N4BP2: variants seen among roughly 807,000 people sequenced by gnomAD.
N4BP2 encodes NEDD4 binding protein 2.
Under a neutral mutation model 152.8 loss-of-function variants are expected in N4BP2, and 91 were observed. The ratio of observed to expected loss-of-function variants is 0.60; its 90% CI spans 0.50 to 0.71. The LOEUF is 0.71. Ranked by LOEUF, N4BP2 falls within the 30% of genes least tolerant of loss-of-function variation. The probability of loss-of-function intolerance (pLI) is 0.00; values close to 1 mark genes in which losing one functional copy is unlikely to be tolerated. For missense variants in N4BP2, 1,923 were observed against 2,059.1 expected, an observed-to-expected ratio of 0.93 and a Z score of 1.28; for synonymous variants, 646 against 705.3, an observed-to-expected ratio of 0.92 and a Z score of 1.33.
chr4:40,175,545 T>C, the N4BP2 span, among the ~76,000 whole-genome samples: 1 of 151,788 alleles, frequency 6.6e-6, no homozygotes, highest in African/African-American at 2.4e-5. Context: ...AACTGGCGGG[T>C]CACTGAGGCT....
intron 1 of N4BP2, among the ~76,000 whole-genome samples, chr4:40,070,176 A>G (rs1712007739): frequency 6.6e-6 from 1 of 152,216 alleles, no homozygotes; most frequent in Non-Finnish European, 1.5e-5. Flanking sequence ...ATCTACATAT[A>G]TAAATTTCCT....
intron 2 of N4BP2, among the ~76,000 whole-genome samples, chr4:40,087,884 GC>G (rs1231856256): frequency 6.6e-6 from 1 of 151,914 alleles, no homozygotes. Flanking sequence ...ACAGGCATGC[GC>G]CACAATGCCC....
the N4BP2 span, among the ~76,000 whole-genome samples, chr4:40,185,663 T>TA: frequency 6.6e-6 from 1 of 152,144 alleles, no homozygotes; most frequent in Admixed American, 6.5e-5. Context: ...ATGTGGTTTT[T>TA]AAAAAAAGCA....
downstream of N4BP2, among the ~76,000 whole-genome samples, chr4:40,162,725 G>T (rs1051640296): frequency 3.9e-5 from 6 of 152,160 alleles, no homozygotes; most frequent in Non-Finnish European, 8.8e-5. Context: ...GTATGTATTA[G>T]GGTTCTCCAG....
At position 40,126,243 on chromosome 4, in the gene N4BP2, A is replaced by T. The variant is rs145410522; in HGVS notation, c.4440A>T (p.Leu1480Phe). ...KTLTASEMLP[L>F]LDHWNTQTKK... ...TAACAGCATCTGAAATGCTACCTTT[A>T]TTGGATCATTGGAATACTCAAACTA... Residue 1480 changes from leucine to phenylalanine, a missense_variant, in exon 12 of 18, where the codon TTA becomes TTT. By Grantham distance (22) the Leu-to-Phe change is conservative. Transcript: ENST00000261435. 6.2e-7 allele frequency: 1 copy of T among 1,605,284 alleles called. No homozygotes were observed. The highest frequency in any genetic ancestry group is 1.7e-5 in the Admixed American group (1 of 58,834).
chr4:40,063,258 A>G (rs1252535177), intron 1 of N4BP2, among the ~76,000 whole-genome samples: 2 of 152,216 alleles, frequency 1.3e-5, no homozygotes, highest in African/African-American at 2.4e-5. Context: ...ATATGACCAT[A>G]TAATAGGCAT....
At chr4:40,169,975 A>G in the N4BP2 span, among the ~76,000 whole-genome samples, 1 of 151,516 alleles carries the variant, frequency 6.6e-6, no homozygotes. Flanking sequence ...AAAAAAAAAA[A>G]AAAAAGTAAA....
chr4:40,091,766 G>C (rs988652227), intron 2 of N4BP2, among the ~76,000 whole-genome samples: 2 of 148,938 alleles, frequency 1.3e-5, no homozygotes, highest in Admixed American at 1.4e-4. Context: ...GTACCACTAT[G>C]CTTGGCTAAT....
the N4BP2 span, among the ~76,000 whole-genome samples, chr4:40,165,844 ATTCT>A: frequency 3.9e-5 from 6 of 152,178 alleles, no homozygotes; most frequent in Admixed American, 3.9e-4. Flanking sequence ...TTCCCTTCAT[ATTCT>A]TTCTGTCTTC....
intron 2 of N4BP2, among the ~76,000 whole-genome samples, chr4:40,089,135 A>G (rs889528323): frequency 2.0e-5 from 3 of 150,700 alleles, no homozygotes; most frequent in Admixed American, 6.6e-5. Context: ...CTATTTTTTC[A>G]TAGAGACAGG....
intron 13 of N4BP2, among the ~76,000 whole-genome samples, chr4:40,135,798 CT>C (rs1254993793): frequency 6.6e-6 from 1 of 152,100 alleles, no homozygotes; most frequent in Non-Finnish European, 1.5e-5. Context: ...AACTCCTGAC[CT>C]CAGGTGATCC....
chr4:40,112,529 CCTTT>C (rs1175245791), intron 6 of N4BP2, among the ~76,000 whole-genome samples: 1 of 151,764 alleles, frequency 6.6e-6, no homozygotes, highest in Non-Finnish European at 1.5e-5. Context: ...ATTTGTTGGT[CCTTT>C]GTTTTTCCCT....
chr4:40,112,034 ATACT>A lies in N4BP2; in HGVS notation c.1499-47_1499-44del, dbSNP rs778703109. 1.2e-4 allele frequency: 114 copies of A among 968,210 alleles called. 1 individual carries two copies. The highest frequency in any genetic ancestry group is 8.6e-4 in the South Asian group (56 of 65,252). The allele number at this position is 968,210 out of a possible 1,614,324, so 60.0% of individuals were successfully genotyped here. On this transcript the variant is annotated intron_variant, in intron 5 of 17. Coordinates refer to ENST00000261435, the MANE Select transcript of N4BP2 (RefSeq NM_018177.6). ...AAGATCAGATTTTTTGAAAATCATA[ATACT>A]TAGTATTGTTTAAAAAATGATTTTT...
Position 40,122,239 on chromosome 4 carries a change from G to A in N4BP2, c.4128G>A (p.Leu1376=). The A allele has an allele frequency of 3.1e-6, 5 of 1,608,332 alleles. No homozygotes were observed. The South Asian group carries it at 3.3e-5, about 11-fold the overall frequency. ...CCAAATCTCTGACCATAGACTGTCT[G>A]GAATTGGCATTACCCCCTGAACTGG... The part of the protein sequence containing the change: ...AMAKSLTIDC[L]ELALPPELAF... The change falls in exon 9 of 18, where the codon CTG becomes CTA. Residue 1376 remains leucine (L), a synonymous_variant. Coordinates refer to ENST00000261435, the MANE Select transcript of N4BP2 (RefSeq NM_018177.6).
At chr4:40,088,588 C>T (rs755539557) in intron 2 of N4BP2, among the ~76,000 whole-genome samples, 5 of 151,958 alleles carry the variant, frequency 3.3e-5, no homozygotes, top group Non-Finnish European at 7.4e-5. Flanking sequence ...GCAGCCTCCG[C>T]CTCCCGGGTT....
the N4BP2 span, among the ~76,000 whole-genome samples, chr4:40,164,626 T>C: frequency 2.6e-5 from 4 of 152,298 alleles, no homozygotes; most frequent in Admixed American, 2.0e-4. Context: ...TGTTTTAATC[T>C]GCTGCTTTGT....
chr4:40,099,285 C>G (rs2109955923), intron 3 of N4BP2, among the ~76,000 whole-genome samples: 1 of 152,286 alleles, frequency 6.6e-6, no homozygotes, highest in South Asian at 2.1e-4. Flanking sequence ...TCTTGCTGCC[C>G]AGGCCGGAGT....
At chr4:40,145,843 A>G (rs1720462823) in intron 16 of N4BP2, among the ~76,000 whole-genome samples, 1 of 152,282 alleles carries the variant, frequency 6.6e-6, no homozygotes, top group South Asian at 2.1e-4. Flanking sequence ...AAATAGTTAC[A>G]TAAGTAATTA....
chr4:40,179,841 G>A, the N4BP2 span, among the ~76,000 whole-genome samples: 1 of 141,906 alleles, frequency 7.0e-6, no homozygotes, highest in South Asian at 2.2e-4. Flanking sequence ...CTTGGCTCAC[G>A]ACAACCTCCA....
Sources: allele counts gnomAD v4.1 joint callset (sites outside exome capture counted in the v4.1 genomes callset), GRCh38; gene constraint gnomAD v4.1.1; transcripts MANE v1.5; gene names NCBI Gene and HGNC (gene_info 2026-07-23, HGNC 2026-07-21).